Variants in MTMR7 observed in about 807,000 individuals in gnomAD.
MTMR7 encodes myotubularin related protein 7.
A neutral mutation model predicts 81.2 loss-of-function variants in MTMR7; 76 were observed. The observed-to-expected ratio is 0.94, with a 90% CI of 0.78 to 1.13. MTMR7 has a LOEUF of 1.13. MTMR7 is among the 50% of genes most tolerant of loss of function. MTMR7 has a pLI of 0.00. For synonymous variants in MTMR7, 372 were observed against 289.8 expected (o/e 1.28, Z -2.88); for missense variants, 1,044 against 820.0 (o/e 1.27, Z -3.34).
chr8:17,326,008 A>G (rs1818660904), intron 7 of MTMR7, among the ~76,000 whole-genome samples: 2 of 152,214 alleles, frequency 1.3e-5, no homozygotes, highest in South Asian at 2.1e-4. Context: ...ATGATCATGA[A>G]TTAAAGTGGG....
intron 1 of MTMR7, among the ~76,000 whole-genome samples, chr8:17,395,207 A>G (rs2106030): frequency 0.057 from 8,685 of 152,138 alleles, 799 homozygotes; most frequent in African/African-American, 0.19. Context: ...CTTGTCTTCA[A>G]TGTCTTCAAG....
At chr8:17,334,697 A>G (rs1454188882) in intron 6 of MTMR7, among the ~76,000 whole-genome samples, 8 of 152,238 alleles carry the variant, frequency 5.3e-5, no homozygotes, top group Non-Finnish European at 1.2e-4. Flanking sequence ...CCTTCAGCTT[A>G]GAACTGACAA....
chr8:17,304,374 CAT>C lies in MTMR7; in HGVS notation c.1493+3_1493+4del, dbSNP rs1359697673. ...TGGCTACAAAGTTACCAAGGATTTA[CAT>C]ACTTGTACATGAAGTTACATGGTGT... On this transcript the variant is annotated splice_donor_region_variant and intron_variant, in intron 12 of 13. Transcript: ENST00000180173. 6.2e-7 allele frequency: 1 copy of C among 1,609,760 alleles called. No homozygotes were observed. The highest frequency in any genetic ancestry group is 1.1e-5 in the South Asian group (1 of 90,846).
At chr8:17,348,110 C>A (rs1819615117) in intron 5 of MTMR7, among the ~76,000 whole-genome samples, 3 of 152,186 alleles carry the variant, frequency 2.0e-5, no homozygotes, top group Admixed American at 2.0e-4. Context: ...CTTAGAGCCA[C>A]TGTTACTTAG....
chr8:17,335,844 T>C (rs1245823824), intron 6 of MTMR7, among the ~76,000 whole-genome samples: 1 of 152,194 alleles, frequency 6.6e-6, no homozygotes, highest in Non-Finnish European at 1.5e-5. Flanking sequence ...CGGCCTAACT[T>C]AGAATTCCAG....
intron 6 of MTMR7, among the ~76,000 whole-genome samples, chr8:17,335,033 C>G (rs937935355): frequency 6.6e-6 from 1 of 152,110 alleles, no homozygotes; most frequent in Non-Finnish European, 1.5e-5. Flanking sequence ...ACAGGCCCAG[C>G]CAAGGAACTG....
intron 4 of MTMR7, among the ~76,000 whole-genome samples, chr8:17,351,514 A>G (rs1249778012): frequency 1.3e-5 from 2 of 152,204 alleles, no homozygotes; most frequent in Non-Finnish European, 2.9e-5. Flanking sequence ...AGAGCACCAG[A>G]GCTCTCACTC....
At chr8:17,400,241 G>C (rs1821387561) in intron 1 of MTMR7, among the ~76,000 whole-genome samples, 2 of 152,120 alleles carry the variant, frequency 1.3e-5, no homozygotes, top group African/African-American at 2.4e-5. Context: ...ACTGTGCTAG[G>C]CACCATTCTA....
At chr8:17,354,052 G>T (rs116165644) in intron 4 of MTMR7, among the ~76,000 whole-genome samples, 2,448 of 152,248 alleles carry the variant, frequency 0.016, 58 homozygotes, top group East Asian at 0.071. Flanking sequence ...CAGGCTACTA[G>T]CCATCTAAGA....
Position 17,367,868 on chromosome 8 carries a change from GT to G in MTMR7, c.310+3168del, listed in dbSNP as rs113430159. Among the ~76,000 whole-genome samples the G allele has an allele frequency of 9.2e-3, 1,192 of 129,094 alleles. 7 individuals carry two copies. The highest frequency in any genetic ancestry group is 0.016 in the Admixed American group (208 of 13,048). The allele number at this position is 129,094 out of a possible 152,430, so 84.7% of individuals were successfully genotyped here. A position where few individuals can be genotyped will look rare whatever the true frequency, so the allele number is the denominator to read the frequency against. ...CATTCTGCTGATGCTAAGGTTTGGG[GT>G]TTTTTTTTTTTTTTTCTATTTTTAA... On this transcript the variant is annotated intron_variant, in intron 3 of 13. Coordinates refer to ENST00000180173, the MANE Select transcript of MTMR7 (RefSeq NM_004686.5).
intron 4 of MTMR7, 103 bp from the exon 5 acceptor site, chr8:17,349,184 T>C: frequency 7.2e-7 from 1 of 1,397,796 alleles, no homozygotes; most frequent in Non-Finnish European, 9.9e-7. Context: ...CATCCTTAAG[T>C]TCCCTTAACC....
chr8:17,385,811 C>G (rs1045537755), intron 1 of MTMR7, among the ~76,000 whole-genome samples: 11 of 152,140 alleles, frequency 7.2e-5, no homozygotes, highest in Non-Finnish European at 1.6e-4. Flanking sequence ...TGTGGCCTCC[C>G]GGCAGCAGAT....
intron 1 of MTMR7, among the ~76,000 whole-genome samples, chr8:17,403,629 T>C (rs1342096633): frequency 1.3e-5 from 2 of 152,030 alleles, no homozygotes; most frequent in African/African-American, 4.8e-5. Flanking sequence ...GGCATTTTGA[T>C]AAGGATTGTA....
At chr8:17,372,030 C>G (rs775873993) in intron 2 of MTMR7, among the ~76,000 whole-genome samples, 3 of 152,014 alleles carry the variant, frequency 2.0e-5, no homozygotes, top group African/African-American at 4.8e-5. Context: ...TTCCCTCCCC[C>G]TCCTCTGCAC....
intron 1 of MTMR7, among the ~76,000 whole-genome samples, chr8:17,389,171 C>A (rs1821032478): frequency 6.6e-6 from 1 of 152,214 alleles, no homozygotes; most frequent in Admixed American, 6.5e-5. Flanking sequence ...TCCTTAATAA[C>A]ACCTTTCCTC....
At chr8:17,303,673 G>C (rs1036793920) in intron 12 of MTMR7, among the ~76,000 whole-genome samples, 2 of 150,236 alleles carry the variant, frequency 1.3e-5, no homozygotes, top group Non-Finnish European at 2.9e-5. Flanking sequence ...GCAATGGCAC[G>C]ATCTCGGCTC....
intron 5 of MTMR7, among the ~76,000 whole-genome samples, chr8:17,347,574 A>G (rs367596022): frequency 3.4e-4 from 52 of 152,282 alleles, no homozygotes; most frequent in African/African-American, 1.2e-3. Context: ...CTTTGAATCC[A>G]GAAGTATATT....
At position 17,394,729 on chromosome 8, in the gene MTMR7, T is replaced by C. The variant is rs533032782; in HGVS notation, c.24+18540A>G. Among the ~76,000 whole-genome samples the C allele has an allele frequency of 7.2e-5, 11 of 152,254 alleles. No homozygotes were observed. The South Asian group carries it at 1.9e-3, about 26-fold the overall frequency. On this transcript the variant is annotated intron_variant, in intron 1 of 13. Transcript: ENST00000180173. ...TTTTTAATTATGCCAAAATCAAAAATATATATACGTGGCAGAGTAAGAATT... is the reference window on the plus strand; with the variant it reads ...TTTTTAATTATGCCAAAATCAAAAACATATATACGTGGCAGAGTAAGAATT...
In MTMR7 at chr8:17,310,232, C is replaced by A. The variant is rs1448277287; in HGVS notation, c.1102-906G>T. Reference sequence around the variant, plus strand: ...CCCAGGCTGGTCTCAAACTCTGGGGCTCCAGCAAGCCTCCCTCCTTAACCT... The same window carrying A: ...CCCAGGCTGGTCTCAAACTCTGGGGATCCAGCAAGCCTCCCTCCTTAACCT... On this transcript the variant is annotated intron_variant, in intron 9 of 13. Coordinates refer to ENST00000180173, the MANE Select transcript of MTMR7 (RefSeq NM_004686.5). Among the ~76,000 whole-genome samples the A allele has an allele frequency of 2.0e-5, 3 of 152,142 alleles. No homozygotes were observed. In the East Asian group the frequency reaches 5.8e-4, roughly 30 times the overall value.
Sources: allele counts gnomAD v4.1 joint callset (sites outside exome capture counted in the v4.1 genomes callset), GRCh38; gene constraint gnomAD v4.1.1; transcripts MANE v1.5; gene names NCBI Gene and HGNC (gene_info 2026-07-23, HGNC 2026-07-21).